The following PCDHGB4 variants were observed in gnomAD, a reference collection of about 807,000 sequenced individuals.
The protein encoded by PCDHGB4 is protocadherin gamma subfamily B, 4, also known as protocadherin gamma-B4.
A neutral mutation model predicts 60.5 loss-of-function variants in PCDHGB4; 38 were observed. The ratio of observed to expected loss-of-function variants is 0.63; its 90% CI spans 0.48 to 0.82. The LOEUF is 0.82. Among genes scored for constraint, PCDHGB4 ranks in the 40% least tolerant of loss-of-function variants. The pLI, the probability that PCDHGB4 is intolerant of heterozygous loss-of-function variation, is 0.00. For synonymous variants in PCDHGB4, 456 were observed against 509.7 expected (o/e 0.89, Z 1.42); for missense variants, 1,109 against 1,209.6 (o/e 0.92, Z 1.23).
chr5:141,472,364 AC>A (rs2099278314), intron 1 of PCDHGB4, among the ~76,000 whole-genome samples: 1 of 151,866 alleles, frequency 6.6e-6, no homozygotes, highest in Non-Finnish European at 1.5e-5. Flanking sequence ...ACACGGTGAA[AC>A]CCCGTCTCCA....
In PCDHGB4 at chr5:141,477,825, C is replaced by A; in HGVS notation, c.2398-16982C>A. The A allele has an allele frequency of 2.5e-6, 4 of 1,614,174 alleles. No individual in the cohort carries two copies. The South Asian group carries it at 4.4e-5, about 18-fold the overall frequency. On this transcript the variant is annotated intron_variant, in intron 1 of 3. Transcript: ENST00000519479. This position sits in a 1 kb window ranked among gnomAD's most constrained non-coding sequence, Gnocchi z 4.9. ...GACAATGCCCCCCAGGTCCTATATC[C>A]TCGGCCAGGTGGGAGCTCGGTGGAG...
intron 1 of PCDHGB4, chr5:141,426,709 A>G (rs1259104705): frequency 6.8e-6 from 3 of 443,800 alleles, no homozygotes; most frequent in South Asian, 3.1e-5. Flanking sequence ...TTACAAATCA[A>G]TGAACTAGCA....
At position 141,485,685 on chromosome 5, in the gene PCDHGB4, G is replaced by A; in HGVS notation, c.2398-9122G>A. ...GGGAGCAATTCGATTAGCAGCTATA[G>A]GCTGAGCTCCAATGAACACTTTGCA... On this transcript the variant is annotated intron_variant, in intron 1 of 3. Coordinates refer to ENST00000519479, the MANE Select transcript of PCDHGB4 (RefSeq NM_003736.4). This position sits in a 1 kb window ranked among gnomAD's most constrained non-coding sequence, Gnocchi z 5.7. 1.2e-6 allele frequency: 2 copies of A among 1,614,052 alleles called. No homozygotes were observed. The highest frequency in any genetic ancestry group is 1.3e-5 in the African/African-American group (1 of 75,072).
intron 1 of PCDHGB4, among the ~76,000 whole-genome samples, chr5:141,456,276 C>T (rs1319517390): frequency 1.3e-5 from 2 of 152,146 alleles, no homozygotes; most frequent in South Asian, 4.1e-4. Flanking sequence ...CTACTTCCTG[C>T]TGAAAAGGGG....
At chr5:141,463,438 CTTTTTTTTTTTTT>C (rs71576115) in intron 1 of PCDHGB4, among the ~76,000 whole-genome samples, 4 of 103,254 alleles carry the variant, frequency 3.9e-5, no homozygotes, top group South Asian at 3.2e-4. Flanking sequence ...TTTCCTTCTC[CTTTTTTTTTTTTT>C]TTTTTTTTTT....
At position 141,388,609 on chromosome 5, in the gene PCDHGB4, T is replaced by G; in HGVS notation, c.725T>G (p.Phe242Cys). Residue 242 changes from phenylalanine (F) to cysteine (C), a missense_variant, in exon 1 of 4, where the codon TTC (phenylalanine) becomes TGC (cysteine). Transcript: ENST00000519479. ...GATGCCAATGATAATGCTCCAGTGT[T>G]CAGTCAAGACGTATACAGGGTGAGC... ...VTDANDNAPV[F>C]SQDVYRVSLS... The G allele has an allele frequency of 6.2e-7, 1 of 1,613,926 alleles. No homozygotes were observed. The highest frequency in any genetic ancestry group is 8.5e-7 in the Non-Finnish European group (1 of 1,179,902).
At chr5:141,397,904 G>A in intron 1 of PCDHGB4, 1 of 657,312 alleles carries the variant, frequency 1.5e-6, no homozygotes, top group Non-Finnish European at 2.5e-6. Flanking sequence ...TGCAGAGCTT[G>A]GCGCTCCAGA....
chr5:141,417,768 C>A lies in PCDHGB4; in HGVS notation c.2397+27487C>A, dbSNP rs1444250512. On this transcript the variant is annotated intron_variant, in intron 1 of 3. Coordinates refer to ENST00000519479, the MANE Select transcript of PCDHGB4 (RefSeq NM_003736.4). ...ATTGCCAGCTCCGAGACCCGGGACT[C>A]CTCCTGTCCTGGGCCGAATGCTCTT... is the stretch of plus-strand genomic sequence containing the variant. 1.3e-5 allele frequency: 19 copies of A among 1,451,358 alleles called. No individual in the cohort carries two copies. In the South Asian group the frequency reaches 1.7e-4, roughly 13 times the overall value. The allele number at this position is 1,451,358 out of a possible 1,614,324, so 89.9% of individuals were successfully genotyped here. A position where few individuals can be genotyped will look rare whatever the true frequency, so the allele number is the denominator to read the frequency against.
rs183531575 is a variant in PCDHGB4 at position 141,469,308 on chromosome 5, G to A, written c.2398-25499G>A. Among the ~76,000 whole-genome samples the A allele has an allele frequency of 2.5e-3, 379 of 152,184 alleles. 1 individual carries two copies. The highest frequency in any genetic ancestry group is 5.8e-3 in the South Asian group (28 of 4,814). On this transcript the variant is annotated intron_variant, in intron 1 of 3. Transcript: ENST00000519479. ...TAAAACAAAATAGACTGGGCACGAT[G>A]GCTCACGCCTGTAATCCCACCACTT...
At chr5:141,446,624 G>C (rs1433894248) in intron 1 of PCDHGB4, among the ~76,000 whole-genome samples, 1 of 151,930 alleles carries the variant, frequency 6.6e-6, no homozygotes, top group African/African-American at 2.4e-5. Flanking sequence ...CTACAGGCGT[G>C]CACCACCACG....
intron 1 of PCDHGB4, chr5:141,419,537 C>G (rs368875631): frequency 1.2e-6 from 2 of 1,612,040 alleles, no homozygotes; most frequent in Non-Finnish European, 1.7e-6. Flanking sequence ...CGACAACGCA[C>G]CGCGGGTGCT....
intron 1 of PCDHGB4, among the ~76,000 whole-genome samples, chr5:141,463,418 C>T (rs1442067485): frequency 3.6e-5 from 5 of 138,240 alleles, no homozygotes; most frequent in Admixed American, 2.9e-4. Flanking sequence ...TCCTAGTTTG[C>T]GGATCCTCAT....
chr5:141,419,469 A>G, intron 1 of PCDHGB4: 1 of 1,612,490 alleles, frequency 6.2e-7, no homozygotes, highest in South Asian at 1.1e-5. Context: ...GCCCGCGACC[A>G]GGGCTCGCCC....
Position 141,423,257 on chromosome 5 carries a change from G to T in PCDHGB4, c.2397+32976G>T, listed in dbSNP as rs1412429501. ...ATCCCCGAAGTCCTGGCGGACCTCG[G>T]CAGCCTCGAGTCTCTGGCTAACTCT... On this transcript the variant is annotated intron_variant, in intron 1 of 3. Transcript: ENST00000519479. The T allele has an allele frequency of 8.7e-6, 14 of 1,613,946 alleles. No individual in the cohort carries two copies. The highest frequency in any genetic ancestry group is 1.3e-5 in the African/African-American group (1 of 75,060).
intron 1 of PCDHGB4, chr5:141,421,961 A>G: frequency 6.2e-7 from 1 of 1,612,542 alleles, no homozygotes; most frequent in Non-Finnish European, 8.5e-7. Context: ...ATGTTTACAC[A>G]GTCCGTATAT....
chr5:141,427,151 G>A (rs1481629222), intron 1 of PCDHGB4: 1 of 456,934 alleles, frequency 2.2e-6, no homozygotes, highest in Admixed American at 2.3e-5. Flanking sequence ...TTGGAAATAT[G>A]TTTGTGCTAG....
In PCDHGB4 at chr5:141,491,789, T is replaced by G; in HGVS notation, c.2398-3018T>G. The G allele has an allele frequency of 6.6e-7, 1 of 1,525,854 alleles. No individual in the cohort carries two copies. Among genetic ancestry groups the G allele is most frequent in the Non-Finnish European group, 8.8e-7 (1 of 1,137,340 alleles). The allele number at this position is 1,525,854 out of a possible 1,614,324, so 94.5% of individuals were successfully genotyped here. ...CATAAGGGATTGAACTTGCATCCAC[T>G]CCTCTCCGGCCGGCTTGGTCGCTGG... On this transcript the variant is annotated intron_variant, in intron 1 of 3. Transcript: ENST00000519479. The surrounding 1 kb of genome is among the most constrained non-coding windows in gnomAD (Gnocchi z 6.9).
rs1298454674 is a variant in PCDHGB4, at chr5:141,438,625, TATATATATATAC to T, written c.2397+48346_2397+48357del. 7.7e-3 allele frequency among the ~76,000 whole-genome samples: 357 copies of T among 46,390 alleles called. 5 individuals are homozygous for T. The East Asian group carries it at 0.082, about 11-fold the overall frequency. 30.4% of individuals were successfully genotyped at this position (46,390 alleles called of 152,430 possible). A position where few individuals can be genotyped will look rare whatever the true frequency, so the allele number is the denominator to read the frequency against. On this transcript the variant is annotated intron_variant, in intron 1 of 3. Transcript: ENST00000519479. ...ATATATATATATATATATATATATATATATATATATACACACACACACACACATATATGTATA... is the reference window on the plus strand; with the variant it reads ...ATATATATATATATATATATATATATACACACACACACACATATATGTATA...
chr5:141,485,549 G>T lies in PCDHGB4; in HGVS notation c.2398-9258G>T. 1 of 1,614,030 alleles carries T rather than the reference G, an allele frequency of 6.2e-7. No homozygotes were observed. Among genetic ancestry groups the T allele is most frequent in the Non-Finnish European group, 8.5e-7 (1 of 1,179,922 alleles). On this transcript the variant is annotated intron_variant, in intron 1 of 3. Coordinates refer to ENST00000519479, the MANE Select transcript of PCDHGB4 (RefSeq NM_003736.4). The surrounding 1 kb of genome is among the most constrained non-coding windows in gnomAD (Gnocchi z 5.7). Reference sequence around the variant, plus strand: ...CCGAGCAGAGGTAGAGATCGTAGATGTGAATGATCACGCCCCCCGTTTTCC... The same window carrying T: ...CCGAGCAGAGGTAGAGATCGTAGATTTGAATGATCACGCCCCCCGTTTTCC...
Sources: allele counts gnomAD v4.1 joint callset (sites outside exome capture counted in the v4.1 genomes callset), GRCh38; gene constraint gnomAD v4.1.1; non-coding constraint Gnocchi (gnomAD v3.1); transcripts MANE v1.5; gene names NCBI Gene and HGNC (gene_info 2026-07-23, HGNC 2026-07-21).